NCK1: variants seen among roughly 807,000 people sequenced by gnomAD.
NCK1 encodes SH2/SH3 adapter protein NCK1.
In NCK1, 19 loss-of-function variants were observed where a neutral mutation model predicts 36.6. The ratio of observed to expected loss-of-function variants is 0.52; its 90% CI spans 0.36 to 0.76. The LOEUF is 0.76. Among genes scored for constraint, NCK1 ranks in the 30% least tolerant of loss-of-function variants. NCK1 has a pLI of 0.00. For missense variants in NCK1, 358 were observed against 445.6 expected (o/e 0.80, Z 1.77); for synonymous variants, 165 against 156.0 (o/e 1.06, Z -0.43).
chr3:136,924,024 ACAT>A (rs1489380899), intron 1 of NCK1, among the ~76,000 whole-genome samples: 1 of 152,218 alleles, frequency 6.6e-6, no homozygotes, highest in African/African-American at 2.4e-5. Flanking sequence ...TAGAGCTAGC[ACAT>A]CATCATTATT....
intron 1 of NCK1, among the ~76,000 whole-genome samples, chr3:136,915,360 A>G (rs192608525): frequency 2.0e-5 from 3 of 152,336 alleles, no homozygotes; most frequent in East Asian, 1.9e-4. Context: ...TTCTTGAATT[A>G]TAGGTCACAG....
intron 2 of NCK1, among the ~76,000 whole-genome samples, chr3:136,943,935 G>A (rs1217086582): frequency 6.6e-6 from 1 of 151,988 alleles, no homozygotes; most frequent in African/African-American, 2.4e-5. Context: ...TAGAGTTTGA[G>A]AAGGCTGAGG....
intron 1 of NCK1, among the ~76,000 whole-genome samples, chr3:136,917,436 G>T (rs1939998773): frequency 6.6e-6 from 1 of 151,982 alleles, no homozygotes; most frequent in South Asian, 2.1e-4. Context: ...ATTTTACTTT[G>T]CATCTTTAAA....
chr3:136,870,662 C>CT (rs1325071610), intron 1 of NCK1, among the ~76,000 whole-genome samples: 2 of 120,666 alleles, frequency 1.7e-5, no homozygotes, highest in African/African-American at 3.2e-5. Flanking sequence ...TTTATTTTTT[C>CT]TTTTCATTTC....
chr3:136,871,252 TAGCC>T (rs753706218), intron 1 of NCK1, among the ~76,000 whole-genome samples: 29 of 151,812 alleles, frequency 1.9e-4, no homozygotes, highest in Non-Finnish European at 3.4e-4. Context: ...AAAAAAAAAT[TAGCC>T]AGGTTTGGCT....
At chr3:136,945,339 T>C (rs558372557) in intron 2 of NCK1, among the ~76,000 whole-genome samples, 1 of 152,146 alleles carries the variant, frequency 6.6e-6, no homozygotes, top group Non-Finnish European at 1.5e-5. Context: ...TTCAGGGCCT[T>C]TGACAAGAGA....
intron 1 of NCK1, among the ~76,000 whole-genome samples, chr3:136,863,644 A>G (rs1208124424): frequency 6.6e-6 from 1 of 152,242 alleles, no homozygotes; most frequent in Non-Finnish European, 1.5e-5. Flanking sequence ...TGTAATATCC[A>G]TAAACATAGT....
chr3:136,935,720 A>C (rs973840926), intron 2 of NCK1, among the ~76,000 whole-genome samples: 1 of 152,174 alleles, frequency 6.6e-6, no homozygotes, highest in Admixed American at 6.5e-5. Flanking sequence ...TTATGAGGTA[A>C]AATTTGTATA....
intron 1 of NCK1, among the ~76,000 whole-genome samples, chr3:136,923,541 C>T (rs1345243239): frequency 4.7e-5 from 7 of 150,038 alleles, no homozygotes; most frequent in African/African-American, 1.7e-4. Flanking sequence ...GGTGACAGTG[C>T]AGTGCGAGAC....
chr3:136,945,539 AT>A (rs1355117058), intron 2 of NCK1, 43 bp from the exon 3 acceptor site: 9 of 1,368,138 alleles, frequency 6.6e-6, no homozygotes, highest in Non-Finnish European at 7.0e-6. Flanking sequence ...TTTGGTAATC[AT>A]TTTTTTATAT....
At chr3:136,881,265 G>A (rs982492803) in intron 1 of NCK1, among the ~76,000 whole-genome samples, 1 of 152,066 alleles carries the variant, frequency 6.6e-6, no homozygotes, top group Non-Finnish European at 1.5e-5. Flanking sequence ...TGTCACCCAG[G>A]CTGGAGTGCA....
At chr3:136,883,157 G>A (rs556887187) in intron 1 of NCK1, among the ~76,000 whole-genome samples, 1 of 152,290 alleles carries the variant, frequency 6.6e-6, no homozygotes, top group South Asian at 2.1e-4. Flanking sequence ...CTGGCGTCAT[G>A]TGATCTGTCC....
rs549523975 is a variant in NCK1 at position 136,881,833 on chromosome 3, G to A, written c.-19+19480G>A. On this transcript the variant is annotated intron_variant, in intron 1 of 3. Transcript: ENST00000481752. ...CACTTAATGTCTTGAAGGTTCATCC[G>A]TTTTGTAGCACATGTCAAAATTTTC... 2.0e-4 allele frequency among the ~76,000 whole-genome samples: 31 copies of A among 152,200 alleles called. 1 individual carries two copies. The South Asian group carries it at 5.6e-3, about 28-fold the overall frequency.
intron 1 of NCK1, among the ~76,000 whole-genome samples, chr3:136,880,453 A>C (rs1265177464): frequency 6.6e-6 from 1 of 152,132 alleles, no homozygotes; most frequent in Non-Finnish European, 1.5e-5. Context: ...ATGACTATCT[A>C]CAAGCCAACT....
intron 2 of NCK1, 95 bp from the exon 3 acceptor site, chr3:136,945,488 A>G (rs1336940718): frequency 3.5e-6 from 3 of 857,480 alleles, no homozygotes; most frequent in East Asian, 5.3e-5. Context: ...AGATCTATAT[A>G]GAGTTGAAGA....
In NCK1 at chr3:136,867,180, C is replaced by CCT. The variant is rs1491006794; in HGVS notation, c.-19+4827_-19+4828insCT. ...TCCTTCCTTCCTTCCTTCCTTCCTT[C>CCT]TTTCTTTCTTTTCTTTCTTTTCCCT... On this transcript the variant is annotated intron_variant, in intron 1 of 3. Transcript: ENST00000481752. Among the ~76,000 whole-genome samples the CCT allele has an allele frequency of 1.1e-3, 19 of 17,016 alleles. 2 individuals are homozygous for CCT. The highest frequency in any genetic ancestry group is 0.021 in the East Asian group (2 of 94). The allele number at this position is 17,016 out of a possible 152,430, so 11.2% of individuals were successfully genotyped here.
chr3:136,924,967 A>G (rs1482324297), intron 1 of NCK1, among the ~76,000 whole-genome samples: 1 of 152,186 alleles, frequency 6.6e-6, no homozygotes, highest in African/African-American at 2.4e-5. Context: ...GCTTAATGAA[A>G]TCATGGGATT....
chr3:136,945,897 G>A lies in NCK1; in HGVS notation c.541G>A (p.Ala181Thr). ...HVGSLSEKLA[A>T]VVNNLNTGQV... ...GGGTTCTCTGTCAGAGAAATTAGCA[G>A]CAGTCGTCAATAACCTAAATACTGG... Residue 181 changes from alanine (A) to threonine (T), a missense_variant, in exon 3 of 4, where the codon GCA (alanine) becomes ACA (threonine). Transcript: ENST00000481752. 6.2e-7 allele frequency: 1 copy of A among 1,614,116 alleles called. No homozygotes were observed. Among genetic ancestry groups the A allele is most frequent in the Non-Finnish European group, 8.5e-7 (1 of 1,180,014 alleles).
chr3:136,947,953 C>G (rs773423077), intron 3 of NCK1, among the ~76,000 whole-genome samples: 10 of 151,980 alleles, frequency 6.6e-5, no homozygotes, highest in Non-Finnish European at 1.3e-4. Flanking sequence ...AAAGGATTTG[C>G]TGTGGGTGTC....
Sources: allele counts gnomAD v4.1 joint callset (sites outside exome capture counted in the v4.1 genomes callset), GRCh38; gene constraint gnomAD v4.1.1; transcripts MANE v1.5; gene names NCBI Gene and HGNC (gene_info 2026-07-23, HGNC 2026-07-21).